Variants in MEGF10 observed in about 807,000 individuals in gnomAD.
MEGF10 encodes the protein multiple epidermal growth factor-like domains protein 10.
A neutral mutation model predicts 147.5 loss-of-function variants in MEGF10; 86 were observed. That is an observed-to-expected ratio of 0.58 (90% CI 0.49 to 0.70). The LOEUF is 0.70. Ranked by LOEUF, MEGF10 falls within the 30% of genes least tolerant of loss-of-function variation. The pLI is 0.00. For missense variants in MEGF10, 1,329 were observed against 1,487.3 expected, an observed-to-expected ratio of 0.89 and a Z score of 1.75; for synonymous variants, 478 against 525.5, an observed-to-expected ratio of 0.91 and a Z score of 1.24.
Position 127,344,372 on chromosome 5 carries a change from G to A in MEGF10, c.319+3742G>A, listed in dbSNP as rs76482668. Among the ~76,000 whole-genome samples the A allele has an allele frequency of 5.2e-4, 79 of 152,180 alleles. No homozygotes were observed. In the East Asian group the frequency reaches 8.3e-3, roughly 16 times the overall value. On this transcript the variant is annotated intron_variant, in intron 4 of 24. Coordinates refer to ENST00000503335, the MANE Select transcript of MEGF10 (RefSeq NM_001256545.2). ...AAAACATTATGAGGCAGATATAATC[G>A]TACCCATGTTAAAGATGAGGAAAAT... is the stretch of plus-strand genomic sequence containing the variant.
chr5:127,353,894 C>T (rs1762183424), intron 4 of MEGF10, among the ~76,000 whole-genome samples: 1 of 152,196 alleles, frequency 6.6e-6, no homozygotes, highest in South Asian at 2.1e-4. Context: ...CAGGCCAGCT[C>T]TGATGGTGAG....
At chr5:127,308,608 C>T (rs1193217963) in intron 1 of MEGF10, among the ~76,000 whole-genome samples, 2 of 151,264 alleles carry the variant, frequency 1.3e-5, no homozygotes, top group African/African-American at 4.9e-5. Context: ...CAAACTATCG[C>T]AAGGACGAAA....
intron 5 of MEGF10, among the ~76,000 whole-genome samples, chr5:127,391,087 T>TGCGCGCGCGCGCGC (rs139002719): frequency 6.8e-5 from 9 of 131,982 alleles, no homozygotes; most frequent in East Asian, 4.6e-4. Context: ...CATACACACA[T>TGCGCGCGCGCGCGC]GCGCGCGCGC....
chr5:127,258,997 G>C, the MEGF10 span, among the ~76,000 whole-genome samples: 1 of 152,200 alleles, frequency 6.6e-6, no homozygotes, highest in Admixed American at 6.5e-5. Flanking sequence ...GAGAATGGCT[G>C]AGGGTGCCAC....
chr5:127,354,711 C>A (rs1462571830), intron 4 of MEGF10, among the ~76,000 whole-genome samples: 1 of 152,218 alleles, frequency 6.6e-6, no homozygotes, highest in Middle Eastern at 3.2e-3. Flanking sequence ...CTACCTCTGT[C>A]ATTTAAGTGA....
the MEGF10 span, among the ~76,000 whole-genome samples, chr5:127,264,391 A>G: frequency 6.6e-6 from 1 of 152,276 alleles, no homozygotes; most frequent in South Asian, 2.1e-4. Context: ...TGATTGTTAC[A>G]TTTTGATAGC....
intron 4 of MEGF10, among the ~76,000 whole-genome samples, chr5:127,357,590 A>AATAG (rs1012424770): frequency 1.0e-4 from 6 of 58,558 alleles, no homozygotes; most frequent in African/African-American, 2.5e-4. Flanking sequence ...CCTGCCTCAA[A>AATAG]ATAAATAAAT....
intron 5 of MEGF10, among the ~76,000 whole-genome samples, chr5:127,372,026 A>G (rs1762868117): frequency 6.6e-6 from 1 of 152,224 alleles, no homozygotes; most frequent in Admixed American, 6.5e-5. Flanking sequence ...AATCAACCTA[A>G]TGTCAGGAAA....
the MEGF10 span, among the ~76,000 whole-genome samples, chr5:127,241,580 G>T: frequency 6.6e-6 from 1 of 152,188 alleles, no homozygotes; most frequent in Middle Eastern, 3.4e-3. Context: ...ACTGCTGGGA[G>T]AGGGGCAAAA....
the MEGF10 span, among the ~76,000 whole-genome samples, chr5:127,239,123 T>G: frequency 4.6e-5 from 7 of 151,994 alleles, no homozygotes; most frequent in Non-Finnish European, 7.4e-5. Flanking sequence ...CAGGCATCAA[T>G]GTCATGAAAG....
chr5:127,267,639 G>C, the MEGF10 span, among the ~76,000 whole-genome samples: 3 of 152,100 alleles, frequency 2.0e-5, no homozygotes, highest in African/African-American at 7.2e-5. Context: ...GTTATTCCTG[G>C]TTTAATCTTG....
At chr5:127,368,870 GA>G (rs1433087455) in intron 4 of MEGF10, among the ~76,000 whole-genome samples, 2 of 152,026 alleles carry the variant, frequency 1.3e-5, no homozygotes, top group Non-Finnish European at 2.9e-5. Context: ...AAAGCACATT[GA>G]AAAATATGAT....
intron 13 of MEGF10, 88 bp downstream of exon 13, chr5:127,422,860 C>T (rs1765070782): frequency 1.1e-6 from 1 of 945,200 alleles, no homozygotes; most frequent in African/African-American, 1.7e-5. Context: ...AAACACACAC[C>T]AGTCAACTTT....
chr5:127,337,018 G>A (rs77589749), intron 2 of MEGF10, among the ~76,000 whole-genome samples: 7,401 of 152,164 alleles, frequency 0.049, 216 homozygotes, highest in Non-Finnish European at 0.067. Context: ...TTTAAACAAT[G>A]AGAGTCAGAA....
At chr5:127,286,012 A>T (rs1759018946), upstream of MEGF10, among the ~76,000 whole-genome samples, 1 of 152,144 alleles carries the variant, frequency 6.6e-6, no homozygotes, top group Non-Finnish European at 1.5e-5. Context: ...TTGCAGCAAC[A>T]TGGATGGAAC....
rs747679901 is a variant in MEGF10 at position 127,410,502 on chromosome 5, G to A, written c.1031G>A (p.Gly344Asp). Reference protein sequence around the residue: ...HVSGACLCEAGFAGERCEARL... With the variant: ...HVSGACLCEADFAGERCEARL... Reference sequence around the variant, plus strand: ...AGCGGCGCATGCCTCTGTGAAGCAGGCTTTGCTGGCGAGCGCTGCGAAGCA... The same window carrying A: ...AGCGGCGCATGCCTCTGTGAAGCAGACTTTGCTGGCGAGCGCTGCGAAGCA... The change falls in exon 9 of 25, where the codon GGC becomes GAC. Residue 344 changes from glycine to aspartate, a missense_variant. Around this residue, in one of 3 missense-constraint regions of MEGF10, gnomAD observed 980 missense variants for 1,085.9 expected, o/e 0.90. Transcript: ENST00000503335. 6 of 1,614,122 alleles carry A rather than the reference G, an allele frequency of 3.7e-6. No homozygotes were observed. The highest frequency in any genetic ancestry group is 5.1e-6 in the Non-Finnish European group (6 of 1,180,052).
rs536462936 is a variant in MEGF10 at position 127,461,100 on chromosome 5, C to G, written c.*3782C>G. Reference sequence around the variant, plus strand: ...GGTTGTGGCAAACAAACAAAAAATGCTTTCAGTGTTGAAATATCTCTATTT... The same window carrying G: ...GGTTGTGGCAAACAAACAAAAAATGGTTTCAGTGTTGAAATATCTCTATTT... On this transcript the variant is annotated 3_prime_UTR_variant, in exon 25 of 25. Coordinates refer to ENST00000503335, the MANE Select transcript of MEGF10 (RefSeq NM_001256545.2). 2 of 152,260 alleles carry G rather than the reference C, an allele frequency of 1.3e-5. No homozygotes were observed. The highest frequency in any genetic ancestry group is 2.9e-5 in the Non-Finnish European group (2 of 67,988). The allele number at this position is 152,260 out of a possible 1,614,324, so 9.4% of individuals were successfully genotyped here.
chr5:127,382,694 A>G (rs887092873), intron 5 of MEGF10, among the ~76,000 whole-genome samples: 2 of 152,200 alleles, frequency 1.3e-5, no homozygotes, highest in African/African-American at 4.8e-5. Context: ...TTTTTGCCAC[A>G]TAAGTAAACA....
chr5:127,246,618 T>G, the MEGF10 span, among the ~76,000 whole-genome samples: 2 of 150,270 alleles, frequency 1.3e-5, no homozygotes, highest in African/African-American at 2.5e-5. Flanking sequence ...AAAAAAATGG[T>G]GAGCAATGAA....
Sources: allele counts gnomAD v4.1 joint callset (sites outside exome capture counted in the v4.1 genomes callset), GRCh38; gene constraint gnomAD v4.1.1; regional missense constraint gnomAD v4.1.1; transcripts MANE v1.5; gene names NCBI Gene and HGNC (gene_info 2026-07-23, HGNC 2026-07-21).